Variants in NCOA6 observed in about 807,000 individuals in gnomAD.
NCOA6 encodes nuclear receptor coactivator 6, also known as NRC RAP250.
In NCOA6, 49 loss-of-function variants were observed where a neutral mutation model predicts 171.4. That is an observed-to-expected ratio of 0.29 (90% CI 0.23 to 0.36). The LOEUF is 0.36. Ranked by LOEUF, NCOA6 falls within the 10% of genes least tolerant of loss-of-function variation. The probability of loss-of-function intolerance (pLI) is 1.00; values close to 1 mark genes in which losing one functional copy is unlikely to be tolerated. For missense variants in NCOA6, 2,248 were observed against 2,554.5 expected (o/e 0.88, Z 2.59); for synonymous variants, 910 against 927.5 (o/e 0.98, Z 0.34).
chr20:34,744,544 A>G (rs1198420502), intron 10 of NCOA6, among the ~76,000 whole-genome samples: 1 of 152,244 alleles, frequency 6.6e-6, no homozygotes, highest in Non-Finnish European at 1.5e-5. Flanking sequence ...ATGCTGACTC[A>G]ACATTTTCAT....
intron 4 of NCOA6, among the ~76,000 whole-genome samples, chr20:34,769,878 T>C (rs1284156145): frequency 1.3e-5 from 2 of 152,148 alleles, no homozygotes; most frequent in African/African-American, 2.4e-5. Context: ...CACCACCTTG[T>C]GGAGAGTTAA....
chr20:34,715,257 A>G lies in NCOA6; in HGVS notation c.*65T>C. On this transcript the variant is annotated 3_prime_UTR_variant, in exon 15 of 15. Coordinates refer to ENST00000359003, the MANE Select transcript of NCOA6 (RefSeq NM_014071.5). ...ACAGAAATTGATTTAAAAAAGTCAC[A>G]GCTCAAAATTGCTCTTTGTAAAAGT... The G allele has an allele frequency of 6.2e-7, 1 of 1,607,744 alleles. No individual in the cohort carries two copies. The highest frequency in any genetic ancestry group is 1.1e-5 in the South Asian group (1 of 90,726).
In NCOA6 at chr20:34,742,524, G is replaced by A; in HGVS notation, c.3732C>T (p.Leu1244=). The A allele has an allele frequency of 6.2e-7, 1 of 1,614,202 alleles. No homozygotes were observed. The highest frequency in any genetic ancestry group is 8.5e-7 in the Non-Finnish European group (1 of 1,180,030). ...PSEISLSPER[L]NASIAGLFPP... is the part of the protein sequence containing the mutation. ...GGAAGAGTCCTGCTATGGAGGCATT[G>A]AGTCTTTCTGGTGACAGACTGATTT... is the stretch of plus-strand genomic sequence containing the variant. Residue 1244 remains leucine (L), a synonymous_variant, in exon 11 of 15, where the codon CTC becomes CTT. Transcript: ENST00000359003.
intron 4 of NCOA6, among the ~76,000 whole-genome samples, chr20:34,774,139 G>A (rs1162629993): frequency 6.6e-6 from 1 of 152,128 alleles, no homozygotes; most frequent in Non-Finnish European, 1.5e-5. Flanking sequence ...AATAAAACTG[G>A]TACTTCTTTC....
Position 34,741,259 on chromosome 20 carries a change from A to G in NCOA6, c.4997T>C (p.Ile1666Thr). 3 of 1,614,188 alleles carry G rather than the reference A, an allele frequency of 1.9e-6. No homozygotes were observed. Among genetic ancestry groups the G allele is most frequent in the Non-Finnish European group, 2.5e-6 (3 of 1,180,030 alleles). ...ITPVFINSSSIIQVMKGSQPS... is the reference protein window; with the variant it reads ...ITPVFINSSSTIQVMKGSQPS... ...CTGTGATCCTTTCATAACCTGAATT[A>G]TTGAGGATGAATTGATAAAGACAGG... Residue 1666 changes from isoleucine to threonine, a missense_variant, in exon 11 of 15, where the codon ATA becomes ACA. Coordinates refer to ENST00000359003, the MANE Select transcript of NCOA6 (RefSeq NM_014071.5).
chr20:34,715,394 TG>T (rs34417392), intron 14 of NCOA6, 29 bp from the exon 15 acceptor site: 3 of 1,544,546 alleles, frequency 1.9e-6, no homozygotes, highest in Admixed American at 1.7e-5. Flanking sequence ...ACATGTTCAG[TG>T]GAAGTAACTC....
intron 1 of NCOA6, among the ~76,000 whole-genome samples, chr20:34,800,134 T>C (rs2078210124): frequency 6.6e-6 from 1 of 152,142 alleles, no homozygotes; most frequent in South Asian, 2.1e-4. Context: ...TTTCTCTTTG[T>C]TTATGCAATC....
intron 1 of NCOA6, among the ~76,000 whole-genome samples, chr20:34,821,935 A>C (rs980311328): frequency 2.0e-5 from 3 of 152,150 alleles, no homozygotes; most frequent in Non-Finnish European, 4.4e-5. Flanking sequence ...CCCAAACCAG[A>C]AATTTAAAAA....
rs1415449485 is a variant in NCOA6 at position 34,740,655 on chromosome 20, T to G, written c.5601A>C (p.Thr1867=). 2 of 1,614,232 alleles carry G rather than the reference T, an allele frequency of 1.2e-6. No individual in the cohort carries two copies. Among genetic ancestry groups the G allele is most frequent in the East Asian group, 2.2e-5 (1 of 44,880 alleles). ...TGTCCAGCTCTGTGGATAACTGCTCTGTTCCCATGAGCCCCGGAGCTGTGG... is the reference window on the plus strand; with the variant it reads ...TGTCCAGCTCTGTGGATAACTGCTCGGTTCCCATGAGCCCCGGAGCTGTGG... ...LDTTAPGLMG[T]EQLSTELDSK... is the part of the protein sequence containing the mutation. The change falls in exon 11 of 15, where the codon ACA becomes ACC. Residue 1867 remains threonine (T), a synonymous_variant. Transcript: ENST00000359003.
intron 8 of NCOA6, among the ~76,000 whole-genome samples, chr20:34,752,885 G>A (rs1383477698): frequency 3.5e-5 from 5 of 144,776 alleles, no homozygotes; most frequent in African/African-American, 7.7e-5. Flanking sequence ...CTGCACTCCA[G>A]CTTGGGCACA....
At chr20:34,799,410 G>A (rs987379388) in intron 1 of NCOA6, among the ~76,000 whole-genome samples, 5 of 152,176 alleles carry the variant, frequency 3.3e-5, no homozygotes, top group Admixed American at 1.3e-4. Flanking sequence ...GAGAGGGGCA[G>A]AAAGTTTATT....
At chr20:34,759,174 T>G (rs534068270) in intron 5 of NCOA6, among the ~76,000 whole-genome samples, 33 of 152,110 alleles carry the variant, frequency 2.2e-4, no homozygotes, top group African/African-American at 8.0e-4. Context: ...CACATGCCAC[T>G]GGGACCACAG....
rs2076127853 is a variant in NCOA6, at chr20:34,741,105, G to C, written c.5151C>G (p.Ala1717=). The change falls in exon 11 of 15, where the codon GCC becomes GCG. Residue 1717 remains alanine, a synonymous_variant. Transcript: ENST00000359003. ...TGTTTGGAGCAGGACTACTGGAGAG[G>C]GCATTAGGCGGTACAGGAGCAGAAG... ...KFSSAPVPPN[A]LSSSPAPNIQ... is the part of the protein sequence containing the mutation. The C allele has an allele frequency of 1.2e-6, 2 of 1,614,196 alleles. No individual in the cohort carries two copies. Among genetic ancestry groups the C allele is most frequent in the Non-Finnish European group, 1.7e-6 (2 of 1,180,044 alleles).
chr20:34,716,318 T>C (rs1335675068), intron 14 of NCOA6, among the ~76,000 whole-genome samples: 6 of 151,600 alleles, frequency 4.0e-5, no homozygotes, highest in Admixed American at 2.0e-4. Flanking sequence ...GAAGGCTTCA[T>C]GGAGGAGGTG....
At position 34,750,764 on chromosome 20, in the gene NCOA6, G is replaced by C. The variant is rs370671665; in HGVS notation, c.1676-245C>G. ...GAAACAGTTTCTACATTCCCATATG[G>C]TATCTTAAAGATTTAACGTTTCAAA... On this transcript the variant is annotated intron_variant, in intron 8 of 14. Transcript: ENST00000359003. 6.6e-3 allele frequency among the ~76,000 whole-genome samples: 1,007 copies of C among 152,214 alleles called. 13 individuals carry two copies. The highest frequency in any genetic ancestry group is 0.044 in the Middle Eastern group (13 of 294).
chr20:34,758,026 T>C lies in NCOA6; in HGVS notation c.722A>G (p.His241Arg), dbSNP rs757635641. Residue 241 changes from histidine to arginine, a missense_variant, in exon 7 of 15, where the codon CAC (histidine) becomes CGC (arginine). Physicochemically the swap from His to Arg is conservative, Grantham distance 29. Coordinates refer to ENST00000359003, the MANE Select transcript of NCOA6 (RefSeq NM_014071.5). ...HPSGSLAPPH[H>R]PMQPVSVNRQ... is the part of the protein sequence containing the mutation. ...GTTCACAGAGACAGGCTGCATTGGG[T>C]GATGTGGGGGAGCTAAAGATCCTGA... 57 of 1,613,828 alleles carry C rather than the reference T, an allele frequency of 3.5e-5. No individual in the cohort carries two copies. The highest frequency in any genetic ancestry group is 1.8e-4 in the Admixed American group (11 of 59,968).
chr20:34,758,694 T>G lies in NCOA6; in HGVS notation c.643+111A>C, dbSNP rs932900481. 3 of 1,373,512 alleles carry G rather than the reference T, an allele frequency of 2.2e-6. No homozygotes were observed. The African/African-American group carries it at 4.4e-5, about 20-fold the overall frequency. 85.1% of individuals were successfully genotyped at this position (1,373,512 alleles called of 1,614,324 possible). The stretch of plus-strand genomic sequence containing the variant: ...TCAGGTCAGATTTTGTAAAGAAGGT[T>G]GACATTGTGAGTTTGGAAATTAGAA... On this transcript the variant is annotated intron_variant, in intron 6 of 14. Transcript: ENST00000359003.
At chr20:34,752,207 T>C (rs1445104258) in intron 8 of NCOA6, among the ~76,000 whole-genome samples, 1 of 152,198 alleles carries the variant, frequency 6.6e-6, no homozygotes, top group African/African-American at 2.4e-5. Context: ...AATGAAGTTA[T>C]GAAGCCAGTC....
chr20:34,744,292 T>G (rs961714012), intron 10 of NCOA6, among the ~76,000 whole-genome samples: 1 of 152,230 alleles, frequency 6.6e-6, no homozygotes, highest in Non-Finnish European at 1.5e-5. Flanking sequence ...TTATTCTCTT[T>G]TTTTGTGAAG....
Sources: gnomAD v4.1 joint callset for allele counts (sites outside exome capture counted in the v4.1 genomes callset) on GRCh38, gnomAD v4.1.1 for gene constraint, MANE v1.5 for transcripts, NCBI Gene and HGNC (gene_info 2026-07-23, HGNC 2026-07-21) for gene names.